Variants in OTOA observed in about 807,000 individuals in gnomAD.
The protein encoded by OTOA is cancer/testis antigen 108.
A neutral mutation model predicts 110.8 loss-of-function variants in OTOA; 70 were observed. The ratio of observed to expected loss-of-function variants is 0.63; its 90% confidence interval spans 0.52 to 0.77. The LOEUF (loss-of-function observed/expected upper bound fraction) is 0.77. Among genes scored for constraint, OTOA ranks in the 30% least tolerant of loss-of-function variants. The pLI, the probability that OTOA is intolerant of heterozygous loss-of-function variation, is 0.00. For missense variants in OTOA, 917 were observed against 1,075.8 expected, an observed-to-expected ratio of 0.85 and a Z score of 2.06; for synonymous variants, 373 against 431.5, an observed-to-expected ratio of 0.86 and a Z score of 1.68.
chr16:21,686,530 C>T (rs997085139), intron 7 of OTOA, among the ~76,000 whole-genome samples: 2 of 151,964 alleles, frequency 1.3e-5, no homozygotes, highest in Admixed American at 6.6e-5. Context: ...TAGGCTCAAG[C>T]GATCAACCTG....
At chr16:21,695,887 A>ATTTTTTTTTT (rs1205590889) in intron 9 of OTOA, among the ~76,000 whole-genome samples, 6 of 61,632 alleles carry the variant, frequency 9.7e-5, no homozygotes, top group Non-Finnish European at 1.1e-4. Context: ...ATATATATAT[A>ATTTTTTTTTT]TATATTTTTT....
rs147901051 is a variant in OTOA at position 21,728,243 on chromosome 16, C to T, written c.2019C>T (p.Asp673=). ...SVLRKVQQCL[D]DSIADEYTVD... is the part of the protein sequence containing the mutation. ...TTGGCTCCACTTTTTGGGTTCAGGA[C>T]GACTCCATTGCTGATGAGTACACTG... The change falls in exon 20 of 29, where the codon GAC becomes GAT. Residue 673 remains aspartate, a splice_region_variant and synonymous_variant. Transcript: ENST00000646100. 4.8e-5 allele frequency: 77 copies of T among 1,614,134 alleles called. 1 individual carries two copies. In the African/African-American group the frequency reaches 6.5e-4, roughly 14 times the overall value.
At chr16:21,724,016 C>T (rs368209624) in intron 18 of OTOA, among the ~76,000 whole-genome samples, 4 of 152,204 alleles carry the variant, frequency 2.6e-5, no homozygotes, top group South Asian at 4.2e-4. Flanking sequence ...TGGAGAGAAA[C>T]CACAAGGACT....
intron 1 of OTOA, among the ~76,000 whole-genome samples, chr16:21,677,527 G>C (rs1966861154): frequency 6.9e-6 from 1 of 145,650 alleles, no homozygotes; most frequent in African/African-American, 2.6e-5. Context: ...TGTCGCCCAG[G>C]CTGGAGTGCA....
intron 28 of OTOA, among the ~76,000 whole-genome samples, chr16:21,757,874 TC>T (rs1191703247): frequency 6.6e-6 from 1 of 152,090 alleles, no homozygotes; most frequent in Non-Finnish European, 1.5e-5. Flanking sequence ...CACCTCAGCC[TC>T]CCAAAGTGTT....
chr16:21,737,402 A>T (rs1239609102), intron 22 of OTOA, among the ~76,000 whole-genome samples: 1 of 152,284 alleles, frequency 6.6e-6, no homozygotes, highest in Non-Finnish European at 1.5e-5. Context: ...GTTTTGTATT[A>T]TTAGTAAAGA....
chr16:21,709,859 AC>A (rs1898300520), intron 12 of OTOA, 28 bp from the exon 13 acceptor site: 2 of 1,577,962 alleles, frequency 1.3e-6, no homozygotes, highest in African/African-American at 2.7e-5. Flanking sequence ...CTTCCTGTCA[AC>A]ACTCATTCCA....
At chr16:21,678,642 C>T in intron 2 of OTOA, 37 bp downstream of exon 2, 1 of 1,575,382 alleles carries the variant, frequency 6.3e-7, no homozygotes, top group Non-Finnish European at 8.7e-7. Context: ...TTGTGGTTTC[C>T]ACACAGTTTA....
At chr16:21,691,328 C>T (rs1008895462) in intron 8 of OTOA, among the ~76,000 whole-genome samples, 1 of 152,100 alleles carries the variant, frequency 6.6e-6, no homozygotes, top group Non-Finnish European at 1.5e-5. Flanking sequence ...TGGGTACATA[C>T]CCAGAAATGG....
At chr16:21,691,179 T>G (rs1326377865) in intron 8 of OTOA, among the ~76,000 whole-genome samples, 2 of 152,278 alleles carry the variant, frequency 1.3e-5, no homozygotes, top group East Asian at 3.9e-4. Flanking sequence ...TATTCCATGG[T>G]GTATATGTGT....
Position 21,716,955 on chromosome 16 carries a change from GCTTT to G in OTOA, c.1542_1545del (p.Phe514LeufsTer9). 6.2e-7 allele frequency: 1 copy of G among 1,614,030 alleles called. No homozygotes were observed. Among genetic ancestry groups the G allele is most frequent in the African/African-American group, 1.3e-5 (1 of 75,002 alleles). On this transcript the variant is annotated frameshift_variant, in exon 15 of 29. Transcript: ENST00000646100. LOFTEE classifies it high-confidence loss of function. ...CCCAGGCATCGTGGAGATACAAGGG[GCTTT>G]CTTTAAGGAAGTGTCTCTCTTTGAT...
At chr16:21,714,377 T>TTCTC (rs1217948374) in intron 13 of OTOA, among the ~76,000 whole-genome samples, 1,970 of 94,934 alleles carry the variant, frequency 0.021, 17 homozygotes, top group Non-Finnish European at 0.033. Context: ...TTCTCTCTCT[T>TTCTC]TCTCTCTTTC....
intron 18 of OTOA, 32 bp from the exon 19 acceptor site, chr16:21,726,491 T>TTCC: frequency 1.2e-6 from 2 of 1,612,438 alleles, no homozygotes; most frequent in Non-Finnish European, 1.7e-6. Context: ...CAGCCATGTG[T>TTCC]TCCTCCTCTT....
chr16:21,678,520 T>C lies in OTOA; in HGVS notation c.6T>C (p.Ser2=). The change falls in exon 2 of 29, where the codon TCT becomes TCC. Residue 2 remains serine, a synonymous_variant. Transcript: ENST00000646100. Reference sequence around the variant, plus strand: ...CTTAAATTAACTACAGGAGAATGTCTCAGGAACCTACGACATACTCCCTTT... The same window carrying C: ...CTTAAATTAACTACAGGAGAATGTCCCAGGAACCTACGACATACTCCCTTT... M[S]QEPTTYSLFL... is the part of the protein sequence containing the mutation. 6.2e-7 allele frequency: 1 copy of C among 1,612,888 alleles called. No individual in the cohort carries two copies. The highest frequency in any genetic ancestry group is 8.5e-7 in the Non-Finnish European group (1 of 1,179,138).
At chr16:21,681,600 A>G in intron 5 of OTOA, 138 bp from the exon 6 acceptor site, 1 of 701,996 alleles carries the variant, frequency 1.4e-6, no homozygotes, top group South Asian at 1.6e-5. Flanking sequence ...AAAAGAAAAG[A>G]GAAACCTCCC....
rs1237960175 is a variant in OTOA at position 21,739,403 on chromosome 16, A to G, written c.2432-1318A>G. Among the ~76,000 whole-genome samples, 6 of 151,076 alleles carry G rather than the reference A, an allele frequency of 4.0e-5. No individual in the cohort carries two copies. The East Asian group carries it at 1.2e-3, about 29-fold the overall frequency. ...TTTAGTCCTCTCCAAGTGGCTTATGATAAAGATGTTTGAGGACCACAACTG... is the reference window on the plus strand; with the variant it reads ...TTTAGTCCTCTCCAAGTGGCTTATGGTAAAGATGTTTGAGGACCACAACTG... On this transcript the variant is annotated intron_variant, in intron 22 of 28. Transcript: ENST00000646100.
chr16:21,715,247 G>A, intron 14 of OTOA, 95 bp downstream of exon 14: 1 of 1,539,394 alleles, frequency 6.5e-7, no homozygotes, highest in Non-Finnish European at 9.0e-7. Context: ...TGAACCCAGG[G>A]CTGGGATTGT....
At chr16:21,735,737 G>A (rs1899272478) in intron 21 of OTOA, among the ~76,000 whole-genome samples, 1 of 152,036 alleles carries the variant, frequency 6.6e-6, no homozygotes, top group Admixed American at 6.6e-5. Flanking sequence ...GGGATGACAG[G>A]CTCATGCCAC....
intron 5 of OTOA, among the ~76,000 whole-genome samples, chr16:21,680,915 T>C (rs895350687): frequency 3.3e-5 from 5 of 151,692 alleles, no homozygotes; most frequent in African/African-American, 9.7e-5. Flanking sequence ...TTGGGCACAG[T>C]CTTACGCAAT....
Sources: allele counts gnomAD v4.1 joint callset (sites outside exome capture counted in the v4.1 genomes callset), GRCh38; gene constraint gnomAD v4.1.1; transcripts MANE v1.5; gene names NCBI Gene and HGNC (gene_info 2026-07-23, HGNC 2026-07-21).